Variants in GABRB3 observed in about 807,000 individuals in gnomAD.
GABRB3 encodes gamma-aminobutyric acid type A receptor subunit beta3.
In GABRB3, 14 loss-of-function variants were observed where a neutral mutation model predicts 52.1. The ratio of observed to expected loss-of-function variants is 0.27; its 90% CI spans 0.18 to 0.42. The LOEUF (loss-of-function observed/expected upper bound fraction) is 0.42, where lower values mean the gene tolerates loss of function less well. Ranked by LOEUF, GABRB3 falls within the 10% of genes least tolerant of loss-of-function variation. The pLI, the probability that GABRB3 is intolerant of heterozygous loss-of-function variation, is 1.00. For missense variants in GABRB3, 307 were observed against 609.1 expected, an observed-to-expected ratio of 0.50 and a Z score of 5.22; for synonymous variants, 260 against 232.3, an observed-to-expected ratio of 1.12 and a Z score of -1.08.
In GABRB3 at chr15:26,683,431, T is replaced by C. The variant is rs955797792; in HGVS notation, c.241-61897A>G. On this transcript the variant is annotated intron_variant, in intron 3 of 8. Transcript: ENST00000311550. ...GGGGTGGGGAATGAGGGCTACCCAA[T>C]TGGTCTGTTCTTTGCTCCATCACCA... 5.5e-4 allele frequency among the ~76,000 whole-genome samples: 84 copies of C among 151,922 alleles called. 1 individual carries two copies. Among genetic ancestry groups the C allele is most frequent in the African/African-American group, 2.0e-3 (82 of 41,292 alleles).
chr15:26,659,216 C>T (rs933766862), intron 3 of GABRB3, among the ~76,000 whole-genome samples: 1 of 152,068 alleles, frequency 6.6e-6, no homozygotes, highest in African/African-American at 2.4e-5. Flanking sequence ...AAAATGAAAC[C>T]AATAATTTAT....
At chr15:26,606,214 A>G (rs1458240579) in intron 4 of GABRB3, among the ~76,000 whole-genome samples, 1 of 111,162 alleles carries the variant, frequency 9.0e-6, no homozygotes, top group East Asian at 2.1e-4. Context: ...AAAAAATAGA[A>G]TAAGACAATA....
At chr15:26,606,780 A>ATATCTATCTATC (rs1483873150) in intron 4 of GABRB3, among the ~76,000 whole-genome samples, 1 of 131,952 alleles carries the variant, frequency 7.6e-6, no homozygotes, top group Non-Finnish European at 1.8e-5. Flanking sequence ...ATAGATAGAT[A>ATATCTATCTATC]GATATATCTA....
intron 3 of GABRB3, among the ~76,000 whole-genome samples, chr15:26,636,289 C>T (rs922010128): frequency 6.6e-6 from 1 of 152,178 alleles, no homozygotes. Flanking sequence ...TAACCTTGTC[C>T]TTTGTCTCTG....
At chr15:26,678,986 T>C (rs1197966487) in intron 3 of GABRB3, among the ~76,000 whole-genome samples, 5 of 152,108 alleles carry the variant, frequency 3.3e-5, no homozygotes, top group Admixed American at 6.5e-5. Flanking sequence ...GGCTGTTCTC[T>C]GCAAAGACCC....
Position 26,607,067 on chromosome 15 carries a change from C to T in GABRB3, c.461+14247G>A, listed in dbSNP as rs149937717. On this transcript the variant is annotated intron_variant, in intron 4 of 8. Transcript: ENST00000311550. ...AACTGCATTCAAAAAAGGCAAACGCCGAGCTGTAACCAATCTCGCTGTTTC... is the reference window on the plus strand; with the variant it reads ...AACTGCATTCAAAAAAGGCAAACGCTGAGCTGTAACCAATCTCGCTGTTTC... Among the ~76,000 whole-genome samples, 979 of 152,200 alleles carry T rather than the reference C, an allele frequency of 6.4e-3. 13 individuals carry two copies. The highest frequency in any genetic ancestry group is 0.022 in the African/African-American group (933 of 41,530).
chr15:26,660,209 G>A (rs1200468701), intron 3 of GABRB3, among the ~76,000 whole-genome samples: 3 of 150,548 alleles, frequency 2.0e-5, no homozygotes, highest in South Asian at 2.1e-4. Context: ...CAGCCTGGGC[G>A]ACAGAGCAAG....
chr15:26,772,574 C>T, intron 2 of GABRB3, 105 bp from the exon 3 acceptor site: 1 of 1,433,904 alleles, frequency 7.0e-7, no homozygotes, highest in Non-Finnish European at 9.5e-7. Context: ...GAAGGGCCCC[C>T]ACTCCCACCC....
At chr15:26,578,609 C>CCCTCTACAAACAACTCA (rs1890677166) in intron 6 of GABRB3, among the ~76,000 whole-genome samples, 1 of 152,226 alleles carries the variant, frequency 6.6e-6, no homozygotes, top group Non-Finnish European at 1.5e-5. Context: ...AAGCAGCATA[C>CCCTCTACAAACAACTCA]CCTCTACAAA....
intron 3 of GABRB3, among the ~76,000 whole-genome samples, chr15:26,732,549 G>A (rs987332757): frequency 1.3e-5 from 2 of 149,420 alleles, no homozygotes; most frequent in Non-Finnish European, 2.9e-5. Context: ...GCAACATAGT[G>A]AGACCCCTTT....
At chr15:26,731,964 A>G (rs187463496) in intron 3 of GABRB3, among the ~76,000 whole-genome samples, 6 of 152,360 alleles carry the variant, frequency 3.9e-5, no homozygotes, top group Admixed American at 3.3e-4. Context: ...AGATAGGTGA[A>G]TTGATGATAG....
chr15:26,643,828 T>C (rs971692523), intron 3 of GABRB3, among the ~76,000 whole-genome samples: 2 of 152,210 alleles, frequency 1.3e-5, no homozygotes, highest in Non-Finnish European at 2.9e-5. Flanking sequence ...ATCTTGCTCA[T>C]AGTCTAGCAA....
intron 3 of GABRB3, among the ~76,000 whole-genome samples, chr15:26,681,049 C>T (rs1888224312): frequency 6.6e-6 from 1 of 152,172 alleles, no homozygotes; most frequent in Non-Finnish European, 1.5e-5. Flanking sequence ...TTCCTTTAGG[C>T]CTGATTTCAA....
intron 3 of GABRB3, among the ~76,000 whole-genome samples, chr15:26,644,525 G>A (rs1476812473): frequency 1.1e-4 from 16 of 152,186 alleles, no homozygotes; most frequent in Admixed American, 1.0e-3. Flanking sequence ...ACAAGGAGGG[G>A]ACAGGACTGG....
chr15:26,674,109 T>C (rs998610769), intron 3 of GABRB3, among the ~76,000 whole-genome samples: 7 of 149,112 alleles, frequency 4.7e-5, no homozygotes, highest in African/African-American at 7.4e-5. Flanking sequence ...TTAGAAACCA[T>C]GGGCAGAGCT....
At chr15:26,751,478 T>C (rs1413992878) in intron 3 of GABRB3, among the ~76,000 whole-genome samples, 1 of 152,092 alleles carries the variant, frequency 6.6e-6, no homozygotes, top group African/African-American at 2.4e-5. Flanking sequence ...AAGGGCTCTC[T>C]AGACACAGAA....
intron 3 of GABRB3, among the ~76,000 whole-genome samples, chr15:26,722,788 T>A (rs540133041): frequency 6.6e-6 from 1 of 152,186 alleles, no homozygotes; most frequent in Admixed American, 6.5e-5. Flanking sequence ...CAGATGTGAG[T>A]CACTGGATCC....
In GABRB3 at chr15:26,744,295, T is replaced by G. The variant is rs147042415; in HGVS notation, c.240+28107A>C. On this transcript the variant is annotated intron_variant, in intron 3 of 8. Coordinates refer to ENST00000311550, the MANE Select transcript of GABRB3 (RefSeq NM_000814.6). ...AAAATTAGATAGGCTGTATAAACATTTAACTAATTTTGTAACTCCCATGCC... is the reference window on the plus strand; with the variant it reads ...AAAATTAGATAGGCTGTATAAACATGTAACTAATTTTGTAACTCCCATGCC... Among the ~76,000 whole-genome samples, 829 of 152,324 alleles carry G rather than the reference T, an allele frequency of 5.4e-3. 7 individuals carry two copies. The highest frequency in any genetic ancestry group is 0.018 in the African/African-American group (761 of 41,570).
intron 6 of GABRB3, 126 bp downstream of exon 6, chr15:26,580,193 G>T: frequency 8.7e-7 from 1 of 1,143,116 alleles, no homozygotes; most frequent in Non-Finnish European, 1.3e-6. Flanking sequence ...TGTGTGATGT[G>T]TGAATGATAA....
Sources: gnomAD v4.1 joint callset for allele counts (sites outside exome capture counted in the v4.1 genomes callset) on GRCh38, gnomAD v4.1.1 for gene constraint, MANE v1.5 for transcripts, NCBI Gene and HGNC (gene_info 2026-07-23, HGNC 2026-07-21) for gene names.